MSRA: variants seen among roughly 807,000 people sequenced by gnomAD.
The protein encoded by MSRA is methionine sulfoxide reductase A.
Under a neutral mutation model 31.3 loss-of-function variants are expected in MSRA, and 54 were observed. The observed-to-expected ratio is 1.73, with a 90% CI of 1.39 to 2.17. MSRA has a LOEUF of 2.17. Ranked by LOEUF, MSRA falls within the 30% of genes most tolerant of loss-of-function variation. MSRA has a pLI of 0.00. For synonymous variants in MSRA, 169 were observed against 116.5 expected (o/e 1.45, Z -2.90); for missense variants, 507 against 300.9 (o/e 1.69, Z -5.07).
chr8:10,257,296 G>A (rs1046050743), intron 3 of MSRA, among the ~76,000 whole-genome samples: 5 of 152,148 alleles, frequency 3.3e-5, no homozygotes, highest in South Asian at 2.1e-4. Context: ...AATTAAATGT[G>A]GAATACCCTT....
chr8:10,112,153 C>G (rs1800338330), intron 1 of MSRA, among the ~76,000 whole-genome samples: 2 of 152,106 alleles, frequency 1.3e-5, no homozygotes, highest in South Asian at 4.1e-4. Context: ...CCTGCGCTGT[C>G]TCCTTATTTT....
Position 10,428,445 on chromosome 8 carries a change from C to T in MSRA, c.*133C>T, listed in dbSNP as rs970535341. On this transcript the variant is annotated 3_prime_UTR_variant, in exon 6 of 6. Transcript: ENST00000317173. The stretch of plus-strand genomic sequence containing the variant: ...AAGGAATTTATACAGATTGGGTTTA[C>T]CGAAGTATAATCTATAGGAGGCGCG... 3.0e-6 allele frequency: 3 copies of T among 998,602 alleles called. No individual in the cohort carries two copies. The highest frequency in any genetic ancestry group is 2.6e-4 in the Middle Eastern group (1 of 3,860). 61.9% of individuals were successfully genotyped at this position (998,602 alleles called of 1,614,324 possible). A position where few individuals can be genotyped will look rare whatever the true frequency, so the allele number is the denominator to read the frequency against.
intron 1 of MSRA, among the ~76,000 whole-genome samples, chr8:10,094,375 A>C (rs184260043): frequency 2.4e-3 from 363 of 152,360 alleles, no homozygotes; most frequent in Non-Finnish European, 3.4e-3. Context: ...GATAAATGAC[A>C]CATGATCCTA....
intron 2 of MSRA, among the ~76,000 whole-genome samples, chr8:10,231,254 C>G (rs887295118): frequency 6.6e-6 from 1 of 152,010 alleles, no homozygotes; most frequent in African/African-American, 2.4e-5. Context: ...CTGCTGTCAC[C>G]GTCTAGCTGG....
chr8:10,076,635 C>T (rs984585273), intron 1 of MSRA, among the ~76,000 whole-genome samples: 6 of 152,074 alleles, frequency 3.9e-5, no homozygotes, highest in African/African-American at 7.2e-5. Flanking sequence ...AATTTCTTTG[C>T]GGGGCAGTGA....
chr8:10,421,335 C>T (rs576742126), intron 5 of MSRA, among the ~76,000 whole-genome samples: 11 of 152,262 alleles, frequency 7.2e-5, no homozygotes, highest in East Asian at 5.8e-4. Context: ...GGAAGGTTCA[C>T]GTGAATAGAG....
intron 5 of MSRA, among the ~76,000 whole-genome samples, chr8:10,353,412 C>T (rs983595211): frequency 6.6e-6 from 1 of 152,110 alleles, no homozygotes; most frequent in Non-Finnish European, 1.5e-5. Context: ...GGAGGAGGGA[C>T]CTGGGAGGGT....
intron 1 of MSRA, among the ~76,000 whole-genome samples, chr8:10,149,587 G>A (rs1040424059): frequency 7.2e-5 from 11 of 152,106 alleles, no homozygotes; most frequent in Admixed American, 2.0e-4. Context: ...GGAAACATTG[G>A]GCAGGCTAAC....
intron 1 of MSRA, among the ~76,000 whole-genome samples, chr8:10,176,788 C>T (rs1204216439): frequency 6.6e-6 from 1 of 152,190 alleles, no homozygotes; most frequent in Non-Finnish European, 1.5e-5. Context: ...ACCTAGTCCC[C>T]ACCCAGGGCT....
chr8:10,105,414 C>A (rs1270723308), intron 1 of MSRA, among the ~76,000 whole-genome samples: 1 of 152,172 alleles, frequency 6.6e-6, no homozygotes, highest in African/African-American at 2.4e-5. Context: ...GAAAAAGTTT[C>A]TCATTTTCCA....
At chr8:10,081,671 G>A (rs987447948) in intron 1 of MSRA, among the ~76,000 whole-genome samples, 1 of 152,060 alleles carries the variant, frequency 6.6e-6, no homozygotes, top group African/African-American at 2.4e-5. Context: ...TGTATTTTTA[G>A]TAGAGACGGG....
At chr8:10,425,149 G>A (rs983046960) in intron 5 of MSRA, among the ~76,000 whole-genome samples, 4 of 151,940 alleles carry the variant, frequency 2.6e-5, no homozygotes, top group Non-Finnish European at 4.4e-5. Context: ...TGGGTGGGGG[G>A]ATGGGGGAGA....
chr8:10,086,794 T>C (rs1442974262), intron 1 of MSRA, among the ~76,000 whole-genome samples: 1 of 148,866 alleles, frequency 6.7e-6, no homozygotes, highest in Non-Finnish European at 1.5e-5. Flanking sequence ...TATATACTAG[T>C]GGAGAAGGAA....
At chr8:10,368,447 G>A (rs1177805407) in intron 5 of MSRA, among the ~76,000 whole-genome samples, 1 of 152,222 alleles carries the variant, frequency 6.6e-6, no homozygotes, top group African/African-American at 2.4e-5. Flanking sequence ...ACTCCTTCCA[G>A]GGGCTGTGAG....
intron 1 of MSRA, among the ~76,000 whole-genome samples, chr8:10,156,810 T>C (rs74555699): frequency 1.2e-5 from 1 of 80,724 alleles, no homozygotes. Context: ...GCTTCATTCC[T>C]TTTTTTTTTT....
intron 1 of MSRA, among the ~76,000 whole-genome samples, chr8:10,179,442 T>C (rs1174933490): frequency 6.6e-6 from 1 of 152,228 alleles, no homozygotes; most frequent in Non-Finnish European, 1.5e-5. Context: ...CATTTATAAT[T>C]ATAATGCATA....
chr8:10,336,615 C>T (rs1049008308), intron 5 of MSRA, among the ~76,000 whole-genome samples: 4 of 152,178 alleles, frequency 2.6e-5, no homozygotes, highest in Non-Finnish European at 5.9e-5. Context: ...CTCTTGTTTA[C>T]ATGAGTAGCC....
chr8:10,246,941 A>G (rs1244279604), intron 3 of MSRA, among the ~76,000 whole-genome samples: 1 of 152,204 alleles, frequency 6.6e-6, no homozygotes, highest in African/African-American at 2.4e-5. Flanking sequence ...AAATGAGTAG[A>G]TTCCTTCCTG....
At chr8:10,365,504 T>TA (rs1192954798) in intron 5 of MSRA, among the ~76,000 whole-genome samples, 1 of 152,166 alleles carries the variant, frequency 6.6e-6, no homozygotes, top group African/African-American at 2.4e-5. Flanking sequence ...CAAATGGGTA[T>TA]AAAAAAAGAA....
Sources: gnomAD v4.1 joint callset for allele counts (sites outside exome capture counted in the v4.1 genomes callset) on GRCh38, gnomAD v4.1.1 for gene constraint, MANE v1.5 for transcripts, NCBI Gene and HGNC (gene_info 2026-07-23, HGNC 2026-07-21) for gene names.